AP3B2: variants seen among roughly 807,000 people sequenced by gnomAD.
The protein encoded by AP3B2 is adaptor related protein complex 3 subunit beta 2, also known as AP-3 complex subunit beta-2.
In AP3B2, 50 loss-of-function variants were observed where a neutral mutation model predicts 126.9. The ratio of observed to expected loss-of-function variants is 0.39; its 90% CI spans 0.31 to 0.50. The LOEUF is 0.50. Ranked by LOEUF, AP3B2 falls within the 20% of genes least tolerant of loss-of-function variation. The pLI, the probability that AP3B2 is intolerant of heterozygous loss-of-function variation, is 0.79. For missense variants in AP3B2, 1,177 were observed against 1,426.4 expected (o/e 0.83, Z 2.82); for synonymous variants, 541 against 565.0 (o/e 0.96, Z 0.60).
At chr15:82,689,280 C>T (rs777486959) in intron 2 of AP3B2, 48 bp from the exon 3 acceptor site, 11 of 1,612,448 alleles carry the variant, frequency 6.8e-6, no homozygotes, top group African/African-American at 1.3e-5. Context: ...GCGAGAGGCA[C>T]AGCACTAACT....
rs1259216933 is a variant in AP3B2, at chr15:82,689,578, GGAC to G, written c.114-128_114-126del. 9 of 788,598 alleles carry G rather than the reference GGAC, an allele frequency of 1.1e-5. No homozygotes were observed. The Admixed American group carries it at 1.4e-4, about 12-fold the overall frequency. 48.9% of individuals were successfully genotyped at this position (788,598 alleles called of 1,614,324 possible). A position where few individuals can be genotyped will look rare whatever the true frequency, so the allele number is the denominator to read the frequency against. On this transcript the variant is annotated intron_variant, in intron 1 of 26. Transcript: ENST00000535359. ...CTCAGGCAGGACCTGACCCGAGGAG[GGAC>G]CAGAGCCAGGGGGAACAAGTAAAGT...
At chr15:82,662,993 G>T in intron 22 of AP3B2, 71 bp from the exon 23 acceptor site, 1 of 1,539,494 alleles carries the variant, frequency 6.5e-7, no homozygotes, top group South Asian at 1.2e-5. Flanking sequence ...TTGTCCCCTA[G>T]GGCCATCCAG....
At position 82,664,389 on chromosome 15, in the gene AP3B2, C is replaced by G. The variant is rs566085030; in HGVS notation, c.2239G>C (p.Glu747Gln). Residue 747 changes from glutamate to glutamine, a missense_variant, in exon 19 of 27, where the codon GAG (glutamate) becomes CAG (glutamine). Physicochemically the swap from Glu to Gln is conservative, Grantham distance 29 (BLOSUM62 2). Around this residue, in one of 5 missense-constraint regions of AP3B2, gnomAD observed 587 missense variants for 571.3 expected, o/e 1.03. Transcript: ENST00000535359. This position sits in a 1 kb window ranked among gnomAD's most constrained non-coding sequence, Gnocchi z 4.5. Reference protein sequence around the residue: ...SDNEDQDEDEEKGRGSESEQS... With the variant: ...SDNEDQDEDEQKGRGSESEQS... Reference sequence around the variant, plus strand: ...CACCTCTCACTGCCTCTCCCTTTCTCCTCATCCTCATCCTGGTCTTCATTG... The same window carrying G: ...CACCTCTCACTGCCTCTCCCTTTCTGCTCATCCTCATCCTGGTCTTCATTG... 3 of 1,611,822 alleles carry G rather than the reference C, an allele frequency of 1.9e-6. No individual in the cohort carries two copies. Among genetic ancestry groups the G allele is most frequent in the Non-Finnish European group, 2.5e-6 (3 of 1,179,840 alleles).
rs2048019056 is a variant in AP3B2 at position 82,664,606 on chromosome 15, G to T, written c.2138-116C>A. ...CTGAACCCTCAAACCTCTCTGACCT[G>T]CCCCCAGCCCTACATGCCAGCTGGA... On this transcript the variant is annotated intron_variant, in intron 18 of 26. Coordinates refer to ENST00000535359, the MANE Select transcript of AP3B2 (RefSeq NM_001278512.2). The surrounding 1 kb of genome is among the most constrained non-coding windows in gnomAD (Gnocchi z 4.5). The T allele has an allele frequency of 7.4e-7, 1 of 1,355,788 alleles. No homozygotes were observed. The highest frequency in any genetic ancestry group is 2.1e-5 in the Admixed American group (1 of 48,018). 84.0% of individuals were successfully genotyped at this position (1,355,788 alleles called of 1,614,324 possible). A position where few individuals can be genotyped will look rare whatever the true frequency, so the allele number is the denominator to read the frequency against.
At chr15:82,679,905 C>T in intron 9 of AP3B2, 105 bp from the exon 10 acceptor site, 1 of 1,070,036 alleles carries the variant, frequency 9.3e-7, no homozygotes, top group South Asian at 1.3e-5. Flanking sequence ...ATCCTTGCCT[C>T]CTCACCACTG....
At chr15:82,683,047 GTTTTTTTTTTTTTTTT>G (rs61213011) in intron 4 of AP3B2, among the ~76,000 whole-genome samples, 7 of 77,716 alleles carry the variant, frequency 9.0e-5, no homozygotes, top group Admixed American at 1.8e-4. Flanking sequence ...TGCACCAGGA[GTTTTTTTTTTTTTTTT>G]TTTTTTTTTT....
chr15:82,708,872 C>T (rs1423492283), intron 1 of AP3B2: 1 of 152,380 alleles, frequency 6.6e-6, no homozygotes, highest in Non-Finnish European at 1.5e-5. Flanking sequence ...GCTTCTTCAT[C>T]TGTGCTCCCC....
chr15:82,689,968 AC>A (rs1485875295), intron 1 of AP3B2: 7 of 154,246 alleles, frequency 4.5e-5, no homozygotes, highest in African/African-American at 1.7e-4. Context: ...AATTAAAAAA[AC>A]ACAAAAAACA....
intron 14 of AP3B2, among the ~76,000 whole-genome samples, chr15:82,670,761 C>T (rs1004918039): frequency 6.6e-6 from 1 of 151,922 alleles, no homozygotes; most frequent in Non-Finnish European, 1.5e-5. Context: ...AAGAGACAAG[C>T]CACAGAATAG....
intron 1 of AP3B2, among the ~76,000 whole-genome samples, chr15:82,696,938 G>C (rs1298897667): frequency 6.6e-6 from 1 of 152,208 alleles, no homozygotes; most frequent in Non-Finnish European, 1.5e-5. Context: ...GCAGCTGTGT[G>C]TGGGGACTCA....
Position 82,664,028 on chromosome 15 carries a change from C to A in AP3B2, c.2262-53G>T. On this transcript the variant is annotated intron_variant, in intron 19 of 26. Coordinates refer to ENST00000535359, the MANE Select transcript of AP3B2 (RefSeq NM_001278512.2). This position sits in a 1 kb window ranked among gnomAD's most constrained non-coding sequence, Gnocchi z 4.5. ...GCCTGGCCTGGACACTCCCTCCTTG[C>A]TTCACAGAAGCAGGAGAAATGCTGA... The A allele has an allele frequency of 1.3e-6, 2 of 1,557,304 alleles. No homozygotes were observed. Among genetic ancestry groups the A allele is most frequent in the East Asian group, 2.3e-5 (1 of 44,100 alleles).
chr15:82,666,180 G>T (rs1236990311), intron 15 of AP3B2, among the ~76,000 whole-genome samples: 1 of 152,212 alleles, frequency 6.6e-6, no homozygotes, highest in African/African-American at 2.4e-5. Context: ...CACTCCTGGG[G>T]CCCGGAGAAG....
rs989094206 is a variant in AP3B2 at position 82,664,225 on chromosome 15, T to C, written c.2261+142A>G. The C allele has an allele frequency of 3.6e-6, 5 of 1,378,614 alleles. No individual in the cohort carries two copies. The African/African-American group carries it at 5.7e-5, about 16-fold the overall frequency. 85.4% of individuals were successfully genotyped at this position (1,378,614 alleles called of 1,614,324 possible). A position where few individuals can be genotyped will look rare whatever the true frequency, so the allele number is the denominator to read the frequency against. On this transcript the variant is annotated intron_variant, in intron 19 of 26. Transcript: ENST00000535359. This position sits in a 1 kb window ranked among gnomAD's most constrained non-coding sequence, Gnocchi z 4.5. ...AGAGATCTCCTGCAGCCAGCGAAAG[T>C]AGGCGTCATGTGAGCTGACAGCCCC... is the stretch of plus-strand genomic sequence containing the variant.
At position 82,664,392 on chromosome 15, in the gene AP3B2, C is replaced by T. The variant is rs2048014730; in HGVS notation, c.2236G>A (p.Glu746Lys). The T allele has an allele frequency of 1.2e-6, 2 of 1,611,816 alleles. No individual in the cohort carries two copies. Among genetic ancestry groups the T allele is most frequent in the African/African-American group, 2.7e-5 (2 of 74,922 alleles). The change falls in exon 19 of 27, where the codon GAG (glutamate) becomes AAG (lysine). Residue 746 changes from glutamate to lysine, a missense_variant. Glu to Lys is a moderately conservative substitution (Grantham distance 56). This residue lies in a region of AP3B2 where 587 missense variants were observed against 571.3 expected (regional missense o/e 1.03). Transcript: ENST00000535359. This position sits in a 1 kb window ranked among gnomAD's most constrained non-coding sequence, Gnocchi z 4.5. ...ESDNEDQDED[E>K]EKGRGSESEQ... ...CTCTCACTGCCTCTCCCTTTCTCCT[C>T]ATCCTCATCCTGGTCTTCATTGTCG... is the stretch of plus-strand genomic sequence containing the variant.
rs2048742677 is a variant in AP3B2, at chr15:82,702,974, AC to A, written c.113+6619del. The stretch of plus-strand genomic sequence containing the variant: ...CTCCAACCTCTCTCACTATCCCTCA[AC>A]CTCTTTCTCCTTTCAATCTTGGTGC... On this transcript the variant is annotated intron_variant, in intron 1 of 26. Transcript: ENST00000535359. Among the ~76,000 whole-genome samples the A allele has an allele frequency of 2.7e-5, 4 of 150,346 alleles. No homozygotes were observed. The South Asian group carries it at 8.5e-4, about 32-fold the overall frequency.
At chr15:82,660,448 C>T (rs2047921398) in intron 25 of AP3B2, among the ~76,000 whole-genome samples, 1 of 152,220 alleles carries the variant, frequency 6.6e-6, no homozygotes. Context: ...CCAGTAGTCA[C>T]ATGCAGCATT....
chr15:82,674,965 C>T (rs1283897846), intron 14 of AP3B2, among the ~76,000 whole-genome samples: 1 of 152,262 alleles, frequency 6.6e-6, no homozygotes, highest in African/African-American at 2.4e-5. Flanking sequence ...GGGTTTAGGA[C>T]TCTGGCTCAT....
At chr15:82,693,126 A>G (rs1450660318) in intron 1 of AP3B2, among the ~76,000 whole-genome samples, 1 of 152,152 alleles carries the variant, frequency 6.6e-6, no homozygotes, top group African/African-American at 2.4e-5. Flanking sequence ...GTCAAAGGTC[A>G]TGGGGGGAAT....
intron 1 of AP3B2, among the ~76,000 whole-genome samples, chr15:82,704,358 C>G (rs1480982023): frequency 6.6e-6 from 1 of 151,704 alleles, no homozygotes; most frequent in African/African-American, 2.4e-5. Flanking sequence ...TCAAGGTGTA[C>G]AATAATAGAG....
Sources: allele counts gnomAD v4.1 joint callset (sites outside exome capture counted in the v4.1 genomes callset), GRCh38; gene constraint gnomAD v4.1.1; regional missense constraint gnomAD v4.1.1; non-coding constraint Gnocchi (gnomAD v3.1); transcripts MANE v1.5; gene names NCBI Gene and HGNC (gene_info 2026-07-23, HGNC 2026-07-21).